The following ARHGEF18 variants were observed in gnomAD, a reference collection of about 807,000 sequenced individuals.
The protein encoded by ARHGEF18 is Rho/Rac guanine nucleotide exchange factor 18.
ARHGEF18 carries 93 observed loss-of-function variants against 155.7 expected under a neutral mutation model. The observed-to-expected ratio is 0.60, with a 90% CI of 0.50 to 0.71. ARHGEF18 has a LOEUF of 0.71. ARHGEF18 is among the 30% of genes least tolerant of loss of function. ARHGEF18 has a pLI of 0.00. For synonymous variants in ARHGEF18, 742 were observed against 753.1 expected, an observed-to-expected ratio of 0.99 and a Z score of 0.24; for missense variants, 1,593 against 1,816.1, an observed-to-expected ratio of 0.88 and a Z score of 2.23.
chr19:7,390,365 G>A (rs1048971021), intron 10 of ARHGEF18, among the ~76,000 whole-genome samples: 13 of 151,808 alleles, frequency 8.6e-5, no homozygotes, highest in African/African-American at 3.1e-4. Context: ...AACAATTAGC[G>A]GGGCATGGTG....
At chr19:7,438,043 CT>C (rs1974377985) in intron 10 of ARHGEF18, among the ~76,000 whole-genome samples, 1 of 106,714 alleles carries the variant, frequency 9.4e-6, no homozygotes, top group African/African-American at 3.8e-5. Context: ...CTCCTCTTCT[CT>C]CCTCTCTTCT....
rs940070246 is a variant in ARHGEF18, at chr19:7,471,728, G to A, written c.*1430G>A. 2 of 152,318 alleles carry A rather than the reference G, an allele frequency of 1.3e-5. No homozygotes were observed. Among genetic ancestry groups the A allele is most frequent in the African/African-American group, 2.4e-5 (1 of 41,456 alleles). 9.4% of individuals were successfully genotyped at this position (152,318 alleles called of 1,614,324 possible). ...AAACTCCATCAGGAAGTGCTCCCCT[G>A]GGCAGAGGCGCCCACTGGGTGCTGT... On this transcript the variant is annotated 3_prime_UTR_variant, in exon 29 of 29. Transcript: ENST00000668164. The surrounding 1 kb of genome is among the most constrained non-coding windows in gnomAD (Gnocchi z 4.4).
intron 24 of ARHGEF18, 35 bp from the exon 25 acceptor site, chr19:7,467,036 G>T (rs764768914): frequency 1.9e-6 from 3 of 1,610,954 alleles, no homozygotes; most frequent in African/African-American, 1.3e-5. Context: ...GCCTCAGCCC[G>T]ATAACTAGCA....
intron 10 of ARHGEF18, chr19:7,390,527 AAAAAG>A (rs200860066): frequency 0.23 from 34,221 of 146,820 alleles, 4,154 homozygotes; most frequent in Non-Finnish European, 0.26. Flanking sequence ...AAAAAAAAGA[AAAAAG>A]AAAAGAAAAG....
chr19:7,372,866 T>G lies in ARHGEF18; in HGVS notation c.70T>G (p.Leu24Val). 8.1e-7 allele frequency: 1 copy of G among 1,234,486 alleles called. No homozygotes were observed. The highest frequency in any genetic ancestry group is 1.0e-6 in the Non-Finnish European group (1 of 988,262). The allele number at this position is 1,234,486 out of a possible 1,614,324, so 76.5% of individuals were successfully genotyped here. A position where few individuals can be genotyped will look rare whatever the true frequency, so the allele number is the denominator to read the frequency against. ...GAGTATGGAGGACCTCAGCCTGGAT[T>G]TGGGGGCCCTTCAGGGCAGCGAGTA... ...SESMEDLSLD[L>V]GALQGSEYLQ... is the part of the protein sequence containing the mutation. Residue 24 changes from leucine (L) to valine (V), a missense_variant, in exon 3 of 29, where the codon TTG becomes GTG. Transcript: ENST00000668164.
intron 10 of ARHGEF18, among the ~76,000 whole-genome samples, chr19:7,384,770 T>C (rs546454146): frequency 1.4e-4 from 21 of 151,888 alleles, no homozygotes; most frequent in East Asian, 1.4e-3. Context: ...CAGCATACTG[T>C]AGCCTCTTTC....
chr19:7,385,937 C>CCCCTCT (rs1971036366), intron 10 of ARHGEF18, among the ~76,000 whole-genome samples: 1 of 76,110 alleles, frequency 1.3e-5, no homozygotes, highest in Non-Finnish European at 2.5e-5. Context: ...TCTCTCTCTC[C>CCCCTCT]CCCTCTCCCT....
At chr19:7,366,834 C>T (rs1969907486) in intron 2 of ARHGEF18, among the ~76,000 whole-genome samples, 1 of 152,088 alleles carries the variant, frequency 6.6e-6, no homozygotes. Flanking sequence ...GTGATCATAG[C>T]TCACTGCAAC....
intron 10 of ARHGEF18, among the ~76,000 whole-genome samples, chr19:7,389,168 T>G (rs902707157): frequency 2.9e-4 from 44 of 149,230 alleles, no homozygotes; most frequent in Admixed American, 2.9e-3. Context: ...TTTTTTTTTT[T>G]GAGACAGAGT....
At position 7,396,584 on chromosome 19, in the gene ARHGEF18, G is replaced by A. The variant is rs538164493; in HGVS notation, c.967+13381G>A. 4.6e-5 allele frequency among the ~76,000 whole-genome samples: 7 copies of A among 152,124 alleles called. No individual in the cohort carries two copies. In the South Asian group the frequency reaches 1.0e-3, roughly 23 times the overall value. The stretch of plus-strand genomic sequence containing the variant: ...ACAAAAATTAGCCGGGCATGGTAGC[G>A]GGCGCCTGTAGTTCCAGCTACTCTG... On this transcript the variant is annotated intron_variant, in intron 10 of 28. Transcript: ENST00000668164.
At chr19:7,472,701 GGTTT>G (rs941742804), downstream of ARHGEF18, 58 of 293,410 alleles carry the variant, frequency 2.0e-4, no homozygotes, top group African/African-American at 6.3e-4. Flanking sequence ...CTGTTTTTTT[GGTTT>G]GTTTGTTTTT....
At chr19:7,465,705 GC>G (rs1338575350) in intron 23 of ARHGEF18, among the ~76,000 whole-genome samples, 1 of 152,210 alleles carries the variant, frequency 6.6e-6, no homozygotes. Flanking sequence ...GCCATACCTG[GC>G]CTTGGGAGGA....
At chr19:7,475,563 C>T (rs1295600800), downstream of ARHGEF18, among the ~76,000 whole-genome samples, 1 of 152,184 alleles carries the variant, frequency 6.6e-6, no homozygotes, top group Admixed American at 6.5e-5. Context: ...CACACACAAC[C>T]ACTGGACCAG....
downstream of ARHGEF18, chr19:7,472,876 T>A: frequency 2.4e-6 from 1 of 423,776 alleles, no homozygotes. Context: ...ATTTTTGTAT[T>A]TTTTTAGTAG....
intron 18 of ARHGEF18, among the ~76,000 whole-genome samples, chr19:7,456,739 TCAAAACAAAAAAA>T (rs1763720668): frequency 6.6e-6 from 1 of 152,046 alleles, no homozygotes; most frequent in Middle Eastern, 3.4e-3. Context: ...AGACTCTATC[TCAAAACAAAAAAA>T]CAAAACAAAC....
At chr19:7,449,369 T>C (rs1975217015) in intron 15 of ARHGEF18, among the ~76,000 whole-genome samples, 2 of 151,682 alleles carry the variant, frequency 1.3e-5, no homozygotes, top group Admixed American at 1.3e-4. Flanking sequence ...AGCCCAGGAG[T>C]TTGAGACCAG....
chr19:7,445,038 A>G (rs1974899682), intron 14 of ARHGEF18, among the ~76,000 whole-genome samples: 1 of 152,202 alleles, frequency 6.6e-6, no homozygotes, highest in African/African-American at 2.4e-5. Context: ...ACAGAGACCT[A>G]AATTAGGCAG....
chr19:7,354,101 G>A (rs184010886), intron 1 of ARHGEF18, among the ~76,000 whole-genome samples: 11 of 152,232 alleles, frequency 7.2e-5, no homozygotes, highest in East Asian at 3.9e-4. Context: ...CTTGAAGCTC[G>A]GAGTTTGAGA....
intron 1 of ARHGEF18, among the ~76,000 whole-genome samples, chr19:7,362,021 AG>A (rs1969587408): frequency 1.4e-4 from 5 of 35,298 alleles, no homozygotes; most frequent in African/African-American, 8.9e-4. Flanking sequence ...AAGAAGGAGA[AG>A]GAGAAGGAGA....
Sources: gnomAD v4.1 joint callset for allele counts (sites outside exome capture counted in the v4.1 genomes callset) on GRCh38, gnomAD v4.1.1 for gene constraint, Gnocchi (gnomAD v3.1) non-coding constraint, MANE v1.5 for transcripts, NCBI Gene and HGNC (gene_info 2026-07-23, HGNC 2026-07-21) for gene names.